The following GRK1 variants were observed in gnomAD, a reference collection of about 807,000 sequenced individuals.
GRK1 encodes G protein-coupled receptor kinase 1, also known as rhodopsin kinase GRK1.
A neutral mutation model predicts 41.7 loss-of-function variants in GRK1; 28 were observed. That is an observed-to-expected ratio of 0.67 (90% confidence interval 0.50 to 0.92). The LOEUF is 0.92. Among genes scored for constraint, GRK1 ranks in the 40% least tolerant of loss-of-function variants. The pLI, the probability that GRK1 is intolerant of heterozygous loss-of-function variation, is 0.00. For synonymous variants in GRK1, 327 were observed against 286.7 expected (o/e 1.14, Z -1.42); for missense variants, 703 against 671.2 (o/e 1.05, Z -0.52).
the GRK1 span, among the ~76,000 whole-genome samples, chr13:113,660,867 C>T: frequency 6.6e-6 from 1 of 152,176 alleles, no homozygotes; most frequent in Non-Finnish European, 1.5e-5. Context: ...ATATGGAAAG[C>T]AAACTGATAG....
chr13:113,659,731 C>G, the GRK1 span, among the ~76,000 whole-genome samples: 1 of 152,128 alleles, frequency 6.6e-6, no homozygotes, highest in East Asian at 1.9e-4. Flanking sequence ...CTGCGCCCAG[C>G]CATAATTTCT....
At chr13:113,668,114 T>TGGGGTGGC (rs1218427451) in intron 1 of GRK1, 29 bp downstream of exon 1, 1 of 1,578,490 alleles carries the variant, frequency 6.3e-7, no homozygotes, top group South Asian at 1.2e-5. Flanking sequence ...CCAGCAGGGA[T>TGGGGTGGC]GGGGTGGCAG....
the GRK1 span, among the ~76,000 whole-genome samples, chr13:113,656,634 C>T: frequency 1.0e-3 from 157 of 152,334 alleles, no homozygotes; most frequent in Non-Finnish European, 1.2e-3. Context: ...TCTGCCTCTC[C>T]TGCACCTGCA....
At position 113,737,500 on chromosome 13, in the gene GRK1, C is replaced by G. The variant is rs375819237; in HGVS notation, c.*2137C>G. 7.1e-6 allele frequency: 1 copy of G among 140,874 alleles called. No individual in the cohort carries two copies. The highest frequency in any genetic ancestry group is 7.3e-5 in the Admixed American group (1 of 13,734). The allele number at this position is 140,874 out of a possible 1,614,324, so 8.7% of individuals were successfully genotyped here. On this transcript the variant is annotated 3_prime_UTR_variant, in exon 7 of 7. Transcript: ENST00000335678. ...TCGGCCACACCCTGGGTGAGGAGCA[C>G]GTCTTCCCATAGATCCCACGTCGGC...
chr13:113,730,482 G>C (rs184947143), intron 4 of GRK1, among the ~76,000 whole-genome samples: 2 of 149,740 alleles, frequency 1.3e-5, no homozygotes, highest in Admixed American at 6.6e-5. Flanking sequence ...ACCCAGAGCC[G>C]TCCCTCCATC....
chr13:113,657,996 C>T, the GRK1 span: 1 of 1,531,554 alleles, frequency 6.5e-7, no homozygotes, highest in Non-Finnish European at 8.8e-7. Flanking sequence ...AGAGCGGCCC[C>T]CTCCATGCAC....
rs777677424 is a variant in GRK1 at position 113,731,181 on chromosome 13, G to A, written c.1070-38G>A. On this transcript the variant is annotated intron_variant, in intron 4 of 6. Transcript: ENST00000335678. This position sits in a 1 kb window ranked among gnomAD's most constrained non-coding sequence, Gnocchi z 5.6. ...CCTGGAGTGCGTGCCCACCATGGAG[G>A]TGACCACCTCTGAACCCGCAATGTC... The A allele has an allele frequency of 2.0e-6, 3 of 1,532,112 alleles. No homozygotes were observed. The highest frequency in any genetic ancestry group is 2.6e-6 in the Non-Finnish European group (3 of 1,143,430). The allele number at this position is 1,532,112 out of a possible 1,614,324, so 94.9% of individuals were successfully genotyped here.
chr13:113,672,466 A>G (rs1353967462), intron 3 of GRK1, among the ~76,000 whole-genome samples: 2 of 123,176 alleles, frequency 1.6e-5, no homozygotes, highest in East Asian at 4.9e-4. Flanking sequence ...TGTGTGGCGT[A>G]TGTGTGTGGT....
intron 4 of GRK1, among the ~76,000 whole-genome samples, chr13:113,723,841 C>G (rs983020756): frequency 7.6e-6 from 1 of 130,748 alleles, no homozygotes; most frequent in Non-Finnish European, 1.6e-5. Flanking sequence ...TCTGTGCACA[C>G]GTGTCTGTGT....
At chr13:113,727,614 G>A (rs1034911908) in intron 4 of GRK1, among the ~76,000 whole-genome samples, 6 of 148,358 alleles carry the variant, frequency 4.0e-5, no homozygotes, top group Non-Finnish European at 7.4e-5. Flanking sequence ...GAGTACCCAT[G>A]GCGATGAGGA....
At chr13:113,659,458 T>C in the GRK1 span, among the ~76,000 whole-genome samples, 1 of 152,178 alleles carries the variant, frequency 6.6e-6, no homozygotes, top group Non-Finnish European at 1.5e-5. Flanking sequence ...GAAACAAAAT[T>C]CCTCTAGGCA....
the GRK1 span, among the ~76,000 whole-genome samples, chr13:113,657,822 C>T: frequency 4.6e-5 from 7 of 152,382 alleles, no homozygotes; most frequent in Admixed American, 3.3e-4. Context: ...GCTGGGGCTC[C>T]AGGTCAACTC....
At position 113,671,448 on chromosome 13, in the gene GRK1, T is replaced by C; in HGVS notation, c.828-51T>C. 1 of 773,450 alleles carries C rather than the reference T, an allele frequency of 1.3e-6. No individual in the cohort carries two copies. Among genetic ancestry groups the C allele is most frequent in the Non-Finnish European group, 2.4e-6 (1 of 417,316 alleles). 47.9% of individuals were successfully genotyped at this position (773,450 alleles called of 1,614,324 possible). On this transcript the variant is annotated intron_variant, in intron 2 of 6. Coordinates refer to ENST00000335678, the MANE Select transcript of GRK1 (RefSeq NM_002929.3). This position sits in a 1 kb window ranked among gnomAD's most constrained non-coding sequence, Gnocchi z 4.1. Reference sequence around the variant, plus strand: ...GGCCCCAGCTCTGTCTTTCCATGATTTTACTCCCCATTAAACCCGGGGTGC... The same window carrying C: ...GGCCCCAGCTCTGTCTTTCCATGATCTTACTCCCCATTAAACCCGGGGTGC...
At chr13:113,729,554 C>T (rs146910210) in intron 4 of GRK1, among the ~76,000 whole-genome samples, 2,096 of 152,288 alleles carry the variant, frequency 0.014, 28 homozygotes, top group Non-Finnish European at 0.021. Flanking sequence ...TGAGGGGAGC[C>T]GGCAGCTGAC....
intron 6 of GRK1, among the ~76,000 whole-genome samples, chr13:113,733,694 T>G (rs1278796273): frequency 1.4e-5 from 2 of 142,310 alleles, no homozygotes; most frequent in African/African-American, 5.3e-5. Context: ...TATGTGTGCA[T>G]ACATGTGTGC....
At chr13:113,655,922 C>T in the GRK1 span, among the ~76,000 whole-genome samples, 1 of 152,228 alleles carries the variant, frequency 6.6e-6, no homozygotes, top group African/African-American at 2.4e-5. Context: ...TGTGGACTGC[C>T]TGCCCTCTTC....
At chr13:113,664,815 A>G (rs988568599), upstream of GRK1, among the ~76,000 whole-genome samples, 16 of 152,348 alleles carry the variant, frequency 1.1e-4, no homozygotes, top group Admixed American at 9.8e-4. This position sits in a 1 kb window ranked among gnomAD's most constrained non-coding sequence, Gnocchi z 5.4. Context: ...GCGAGACGTC[A>G]GCAGAGACGG....
chr13:113,658,025 G>A, the GRK1 span: 439 of 1,591,174 alleles, frequency 2.8e-4, 2 homozygotes, highest in Non-Finnish European at 2.7e-4. Flanking sequence ...CCCGCCCCCC[G>A]CACGTACCCC....
chr13:113,734,889 ACCC>A (rs2049991351), intron 6 of GRK1, 176 bp from the exon 7 acceptor site: 2 of 552,372 alleles, frequency 3.6e-6, no homozygotes, highest in Non-Finnish European at 6.0e-6. Context: ...TCTCAGGGGA[ACCC>A]AGGGGCCTTC....
Sources: gnomAD v4.1 joint callset for allele counts (sites outside exome capture counted in the v4.1 genomes callset) on GRCh38, gnomAD v4.1.1 for gene constraint, Gnocchi (gnomAD v3.1) non-coding constraint, MANE v1.5 for transcripts, NCBI Gene and HGNC (gene_info 2026-07-23, HGNC 2026-07-21) for gene names.